MIPEP: variants seen among roughly 807,000 people sequenced by gnomAD.
The protein encoded by MIPEP is mitochondrial intermediate peptidase.
A neutral mutation model predicts 90.3 loss-of-function variants in MIPEP; 79 were observed. That is an observed-to-expected ratio of 0.87 (90% confidence interval 0.73 to 1.05). The LOEUF (loss-of-function observed/expected upper bound fraction) is 1.05. Ranked by LOEUF, MIPEP falls within the 50% of genes least tolerant of loss-of-function variation. The probability of loss-of-function intolerance (pLI) is 0.00; values close to 1 mark genes in which losing one functional copy is unlikely to be tolerated. For missense variants in MIPEP, 940 were observed against 905.6 expected, an observed-to-expected ratio of 1.04 and a Z score of -0.49; for synonymous variants, 334 against 315.8, an observed-to-expected ratio of 1.06 and a Z score of -0.61.
At chr13:23,879,690 G>A (rs764076225) in intron 3 of MIPEP, among the ~76,000 whole-genome samples, 1 of 151,888 alleles carries the variant, frequency 6.6e-6, no homozygotes, top group Non-Finnish European at 1.5e-5. Flanking sequence ...ACACCACCAC[G>A]CCCAGCTAAT....
intron 14 of MIPEP, among the ~76,000 whole-genome samples, chr13:23,835,391 G>C (rs1199914801): frequency 6.6e-6 from 1 of 152,012 alleles, no homozygotes; most frequent in Non-Finnish European, 1.5e-5. Context: ...TACACATCTG[G>C]AGACATAATG....
chr13:23,846,158 C>T (rs1351868259), intron 10 of MIPEP, among the ~76,000 whole-genome samples: 1 of 152,080 alleles, frequency 6.6e-6, no homozygotes, highest in Non-Finnish European at 1.5e-5. Flanking sequence ...CCTGATCTGT[C>T]TTGTTGTTAC....
intron 9 of MIPEP, among the ~76,000 whole-genome samples, chr13:23,861,556 G>C (rs1870305929): frequency 1.3e-5 from 2 of 152,130 alleles, no homozygotes; most frequent in Admixed American, 6.5e-5. Flanking sequence ...TAAACAGTTT[G>C]TAAATCTGCA....
chr13:23,810,166 G>A (rs17079372), intron 14 of MIPEP, among the ~76,000 whole-genome samples: 28,582 of 152,088 alleles, frequency 0.19, 3,148 homozygotes, highest in Non-Finnish European at 0.25. Flanking sequence ...ACAGGATTAC[G>A]TGGAACTAAG....
rs530041913 is a variant in MIPEP at position 23,746,120 on chromosome 13, T to A, written c.2044+10425A>T. 2.6e-3 allele frequency among the ~76,000 whole-genome samples: 389 copies of A among 148,976 alleles called. 4 individuals are homozygous for A. The highest frequency in any genetic ancestry group is 8.1e-3 in the African/African-American group (331 of 40,720). ...ACATCTGCCTCCCAGGTTCAAGTGA[T>A]TCTCCTGCCTCAGCCTCCCGAGTAG... On this transcript the variant is annotated intron_variant, in intron 18 of 18. Transcript: ENST00000382172.
At chr13:23,777,712 C>A (rs1313431065) in intron 16 of MIPEP, among the ~76,000 whole-genome samples, 2 of 152,184 alleles carry the variant, frequency 1.3e-5, no homozygotes, top group Non-Finnish European at 2.9e-5. Flanking sequence ...CTGCAGTAAT[C>A]ATGTTTATTA....
chr13:23,791,810 C>T (rs995003400), intron 16 of MIPEP, among the ~76,000 whole-genome samples: 7 of 152,154 alleles, frequency 4.6e-5, no homozygotes, highest in African/African-American at 1.4e-4. Context: ...CTACTCACTG[C>T]CTCCAATTCT....
chr13:23,811,420 A>C (rs937245115), intron 14 of MIPEP, among the ~76,000 whole-genome samples: 1 of 152,140 alleles, frequency 6.6e-6, no homozygotes, highest in Non-Finnish European at 1.5e-5. Flanking sequence ...TATAAGAAAA[A>C]TTTGGTTTAT....
rs1474740239 is a variant in MIPEP at position 23,788,168 on chromosome 13, C to CA, written c.1848+17781dup. On this transcript the variant is annotated intron_variant, in intron 16 of 18. Coordinates refer to ENST00000382172, the MANE Select transcript of MIPEP (RefSeq NM_005932.4). ...GTGTGATCAATATTTGCTAATGTTTCAAAGTTTTCTTCAGTCTATTTTAAA... is the reference window on the plus strand; with the variant it reads ...GTGTGATCAATATTTGCTAATGTTTCAAAAGTTTTCTTCAGTCTATTTTAAA... 4.6e-5 allele frequency among the ~76,000 whole-genome samples: 7 copies of CA among 152,332 alleles called. No individual in the cohort carries two copies. In the East Asian group the frequency reaches 1.3e-3, roughly 29 times the overall value.
Position 23,837,673 on chromosome 13 carries a change from A to T in MIPEP, c.1422T>A (p.Leu474=). Reference sequence around the variant, plus strand: ...TTGGAGAACTCCTTGAGGAACGGGGAAGATTCAGCATAAGAACTACAACTG... The same window carrying T: ...TTGGAGAACTCCTTGAGGAACGGGGTAGATTCAGCATAAGAACTACAACTG... ...QLPVVVLMLN[L]PRSSRSSPTL... Residue 474 remains leucine (L), a synonymous_variant, in exon 13 of 19, where the codon CTT becomes CTA. Transcript: ENST00000382172. 1 of 1,614,096 alleles carries T rather than the reference A, an allele frequency of 6.2e-7. No homozygotes were observed. The highest frequency in any genetic ancestry group is 8.5e-7 in the Non-Finnish European group (1 of 1,179,934).
At chr13:23,750,138 A>G (rs549706894) in intron 18 of MIPEP, among the ~76,000 whole-genome samples, 1 of 152,308 alleles carries the variant, frequency 6.6e-6, no homozygotes, top group Non-Finnish European at 1.5e-5. Flanking sequence ...ACTGTGATGG[A>G]GTCAAGAGAG....
chr13:23,812,801 A>G (rs1172439202), intron 14 of MIPEP, among the ~76,000 whole-genome samples: 4 of 152,204 alleles, frequency 2.6e-5, no homozygotes. Context: ...CTATTTCAAA[A>G]TAAAAAGTTA....
At chr13:23,886,090 T>C (rs1871468761) in intron 2 of MIPEP, among the ~76,000 whole-genome samples, 1 of 152,006 alleles carries the variant, frequency 6.6e-6, no homozygotes, top group Non-Finnish European at 1.5e-5. Context: ...CATTATATAT[T>C]ACATGTATAT....
At chr13:23,861,000 C>A (rs994819972) in intron 9 of MIPEP, among the ~76,000 whole-genome samples, 1 of 152,076 alleles carries the variant, frequency 6.6e-6, no homozygotes, top group Non-Finnish European at 1.5e-5. Context: ...GAGCTCACCC[C>A]AGTTTTTGAT....
chr13:23,813,642 GCTGGAGTGCAGTGGC>G (rs971616097), intron 14 of MIPEP, among the ~76,000 whole-genome samples: 1 of 152,054 alleles, frequency 6.6e-6, no homozygotes, highest in African/African-American at 2.4e-5. Flanking sequence ...TATTGCCCAG[GCTGGAGTGCAGTGGC>G]ACAATCATAA....
intron 18 of MIPEP, among the ~76,000 whole-genome samples, chr13:23,746,649 A>AG (rs1952387676): frequency 6.6e-6 from 1 of 151,530 alleles, no homozygotes; most frequent in Non-Finnish European, 1.5e-5. Flanking sequence ...AAAAAAAAAA[A>AG]AAATTAAAAA....
chr13:23,853,256 C>G (rs1471188576), intron 10 of MIPEP, among the ~76,000 whole-genome samples: 1 of 152,160 alleles, frequency 6.6e-6, no homozygotes, highest in Non-Finnish European at 1.5e-5. Context: ...CACCACCACT[C>G]ACTCACAGAC....
intron 16 of MIPEP, among the ~76,000 whole-genome samples, chr13:23,804,083 G>C (rs775886034): frequency 6.6e-6 from 1 of 152,144 alleles, no homozygotes; most frequent in Non-Finnish European, 1.5e-5. Flanking sequence ...AATTAAAAGT[G>C]ATTTATGGAT....
intron 18 of MIPEP, among the ~76,000 whole-genome samples, chr13:23,739,435 T>C (rs1952302024): frequency 6.6e-6 from 1 of 152,238 alleles, no homozygotes; most frequent in African/African-American, 2.4e-5. Context: ...TCAATTATTA[T>C]GAGAAAAGCT....
Sources: gnomAD v4.1 joint callset for allele counts (sites outside exome capture counted in the v4.1 genomes callset) on GRCh38, gnomAD v4.1.1 for gene constraint, MANE v1.5 for transcripts, NCBI Gene and HGNC (gene_info 2026-07-23, HGNC 2026-07-21) for gene names.